CRYBB2: variants seen among roughly 807,000 people sequenced by gnomAD.
CRYBB2 encodes the protein crystallin beta B2.
A neutral mutation model predicts 24.3 loss-of-function variants in CRYBB2; 12 were observed. The ratio of observed to expected loss-of-function variants is 0.49; its 90% CI spans 0.32 to 0.80. CRYBB2 has a LOEUF of 0.80. CRYBB2 is among the 30% of genes least tolerant of loss of function. CRYBB2 has a pLI of 0.04. For missense variants in CRYBB2, 198 were observed against 268.5 expected (o/e 0.74, Z 1.83); for synonymous variants, 98 against 101.6 (o/e 0.96, Z 0.21).
Position 25,219,820 on chromosome 22 carries a change from TA to T in CRYBB2, c.-27+159del, listed in dbSNP as rs536698355. On this transcript the variant is annotated intron_variant, in intron 1 of 5. Coordinates refer to ENST00000398215, the MANE Select transcript of CRYBB2 (RefSeq NM_000496.3). The stretch of plus-strand genomic sequence containing the variant: ...CTTTTCTGGTAACTGGGAAGGGGGT[TA>T]AAAAGCCTTCTTTATTGTAAGGATT... 6.2e-3 allele frequency among the ~76,000 whole-genome samples: 944 copies of T among 152,296 alleles called. 5 individuals carry two copies. The highest frequency in any genetic ancestry group is 7.7e-3 in the Non-Finnish European group (527 of 68,018).
chr22:25,215,891 G>A (rs1935162649), upstream of CRYBB2, among the ~76,000 whole-genome samples: 1 of 152,168 alleles, frequency 6.6e-6, no homozygotes, highest in Non-Finnish European at 1.5e-5. Context: ...GACAGTTTCA[G>A]GGCTTAATCC....
chr22:25,224,972 C>A lies in CRYBB2; in HGVS notation c.109C>A (p.Pro37Thr), dbSNP rs750776090. 9 of 1,613,430 alleles carry A rather than the reference C, an allele frequency of 5.6e-6. No individual in the cohort carries two copies. The Admixed American group carries it at 1.2e-4, about 21-fold the overall frequency. Reference sequence around the variant, plus strand: ...AGGCCACTCGCATGAGCTCAATGGGCCCTGCCCCAACCTGAAGGAAACTGG... The same window carrying A: ...AGGCCACTCGCATGAGCTCAATGGGACCTGCCCCAACCTGAAGGAAACTGG... ...FQGHSHELNG[P>T]CPNLKETGVE... The change falls in exon 3 of 6, where the codon CCC becomes ACC. Residue 37 changes from proline (P) to threonine (T), a missense_variant. By Grantham distance (38) the Pro-to-Thr change is conservative. Coordinates refer to ENST00000398215, the MANE Select transcript of CRYBB2 (RefSeq NM_000496.3).
At chr22:25,220,445 AC>A (rs970657428) in intron 1 of CRYBB2, among the ~76,000 whole-genome samples, 11 of 152,154 alleles carry the variant, frequency 7.2e-5, no homozygotes, top group Non-Finnish European at 1.2e-4. Flanking sequence ...GTCTGTGAAC[AC>A]TCAGGACTGG....
At chr22:25,230,893 A>G (rs1460233855) in intron 5 of CRYBB2, among the ~76,000 whole-genome samples, 4 of 151,924 alleles carry the variant, frequency 2.6e-5, no homozygotes, top group Non-Finnish European at 5.9e-5. Context: ...CTCAAGGAAC[A>G]GTAGGAATTG....
intron 3 of CRYBB2, 98 bp from the exon 4 acceptor site, chr22:25,227,755 A>G: frequency 4.4e-6 from 7 of 1,602,448 alleles, no homozygotes; most frequent in Non-Finnish European, 6.0e-6. Flanking sequence ...GGGCTGGGCA[A>G]GAGTGAACCC....
chr22:25,226,629 T>C (rs1270077238), intron 3 of CRYBB2, among the ~76,000 whole-genome samples: 1 of 152,226 alleles, frequency 6.6e-6, no homozygotes, highest in Non-Finnish European at 1.5e-5. Context: ...TGAACAGACT[T>C]ATTCAGATAT....
intron 4 of CRYBB2, 122 bp downstream of exon 4, chr22:25,228,107 C>A: frequency 6.8e-7 from 1 of 1,477,340 alleles, no homozygotes; most frequent in East Asian, 2.4e-5. Flanking sequence ...CACTGTGCCC[C>A]TTCTGATTGG....
intron 1 of CRYBB2, among the ~76,000 whole-genome samples, chr22:25,220,818 C>A (rs1935306755): frequency 6.6e-6 from 1 of 152,160 alleles, no homozygotes; most frequent in Non-Finnish European, 1.5e-5. Context: ...TCTTCTCTTT[C>A]TTGTAATGTG....
intron 4 of CRYBB2, 95 bp downstream of exon 4, chr22:25,228,080 G>A: frequency 6.3e-7 from 1 of 1,583,060 alleles, no homozygotes; most frequent in African/African-American, 1.3e-5. Flanking sequence ...GGACCAGGAA[G>A]GGGCCCGCCC....
chr22:25,216,265 G>T (rs751104527), upstream of CRYBB2, among the ~76,000 whole-genome samples: 12 of 152,158 alleles, frequency 7.9e-5, no homozygotes, highest in Non-Finnish European at 1.6e-4. Context: ...TGGAAATAGG[G>T]TCTTTACAGA....
At chr22:25,218,838 G>GAAAGAAATAAAGAA (rs386365958), upstream of CRYBB2, among the ~76,000 whole-genome samples, 1 of 97,992 alleles carries the variant, frequency 1.0e-5, no homozygotes, top group Non-Finnish European at 2.0e-5. Context: ...AAGAAAGAAA[G>GAAAGAAATAAAGAA]AGAAAGAAAG....
At chr22:25,215,970 A>T (rs892325936), upstream of CRYBB2, among the ~76,000 whole-genome samples, 1 of 152,178 alleles carries the variant, frequency 6.6e-6, no homozygotes, top group Admixed American at 6.5e-5. Flanking sequence ...TCTGAGCCTC[A>T]ATTTTCTCTT....
chr22:25,231,615 A>C lies in CRYBB2; in HGVS notation c.461A>C (p.Tyr154Ser), dbSNP rs778602223. Reference protein sequence around the residue: ...VRVQSGTWVGYQYPGYRGLQY... With the variant: ...VRVQSGTWVGSQYPGYRGLQY... ...CTCTGGCCCTGCAGGTGGGTTGGCT[A>C]CCAGTACCCCGGCTACCGTGGGCTG... Residue 154 changes from tyrosine to serine, a missense_variant, in exon 6 of 6, where the codon TAC (tyrosine) becomes TCC (serine). Transcript: ENST00000398215. 2.9e-5 allele frequency: 47 copies of C among 1,613,864 alleles called. No individual in the cohort carries two copies. The highest frequency in any genetic ancestry group is 3.6e-5 in the Non-Finnish European group (42 of 1,179,992).
upstream of CRYBB2, among the ~76,000 whole-genome samples, chr22:25,219,341 C>T (rs1935281239): frequency 6.6e-6 from 1 of 152,176 alleles, no homozygotes; most frequent in South Asian, 2.1e-4. Flanking sequence ...GCCTCACGGC[C>T]TGACTGACCG....
chr22:25,221,308 ATGTT>A (rs1935315354), intron 1 of CRYBB2, 92 bp from the exon 2 acceptor site: 8 of 787,202 alleles, frequency 1.0e-5, no homozygotes, highest in Non-Finnish European at 1.6e-5. Flanking sequence ...GAAAAAGAGA[ATGTT>A]TGGGGCCAGA....
chr22:25,213,321 TCTC>T (rs1330260375), intron 1 of CRYBB2: 4 of 152,278 alleles, frequency 2.6e-5, no homozygotes, highest in East Asian at 1.9e-4. Flanking sequence ...CAAGACCTAT[TCTC>T]CTCGTGGGAG....
chr22:25,227,742 G>T (rs1253940266), intron 3 of CRYBB2, 111 bp from the exon 4 acceptor site: 2 of 1,585,110 alleles, frequency 1.3e-6, no homozygotes, highest in Non-Finnish European at 1.7e-6. Flanking sequence ...ATTACATCTT[G>T]CCGGGCTGGG....
chr22:25,227,619 C>T (rs1230445638), intron 3 of CRYBB2, among the ~76,000 whole-genome samples: 3 of 150,166 alleles, frequency 2.0e-5, no homozygotes, highest in African/African-American at 7.3e-5. Flanking sequence ...ATTTAGACTG[C>T]CTTCTTATTT....
chr22:25,216,588 CACA>C (rs751612226), upstream of CRYBB2, among the ~76,000 whole-genome samples: 2 of 152,202 alleles, frequency 1.3e-5, no homozygotes, highest in African/African-American at 4.8e-5. Context: ...TCCAGAATTA[CACA>C]ACAATAAACT....
Sources: allele counts gnomAD v4.1 joint callset (sites outside exome capture counted in the v4.1 genomes callset), GRCh38; gene constraint gnomAD v4.1.1; transcripts MANE v1.5; gene names NCBI Gene and HGNC (gene_info 2026-07-23, HGNC 2026-07-21).